The following CHMP4C variants were observed in gnomAD, a reference collection of about 807,000 sequenced individuals.
The protein encoded by CHMP4C is charged multivesicular body protein 4C.
In CHMP4C, 28 loss-of-function variants were observed where a neutral mutation model predicts 29.0. The observed-to-expected ratio is 0.97, with a 90% CI of 0.72 to 1.32. The LOEUF (loss-of-function observed/expected upper bound fraction) is 1.32. Among genes scored for constraint, CHMP4C ranks in the 40% most tolerant of loss-of-function variants. The pLI is 0.00. For synonymous variants in CHMP4C, 106 were observed against 102.4 expected, an observed-to-expected ratio of 1.04 and a Z score of -0.21; for missense variants, 291 against 281.0, an observed-to-expected ratio of 1.04 and a Z score of -0.25.
intron 1 of CHMP4C, among the ~76,000 whole-genome samples, chr8:81,746,781 C>T (rs895803378): frequency 6.6e-6 from 1 of 152,114 alleles, no homozygotes; most frequent in Non-Finnish European, 1.5e-5. Flanking sequence ...AAAATTATGT[C>T]CAAACCAGAA....
At chr8:81,739,992 G>A (rs1808743297) in intron 1 of CHMP4C, among the ~76,000 whole-genome samples, 3 of 152,138 alleles carry the variant, frequency 2.0e-5, no homozygotes, top group African/African-American at 7.2e-5. Flanking sequence ...ATTTTCGGTT[G>A]TTTTAGAATT....
chr8:81,755,228 T>C (rs1808956671), intron 2 of CHMP4C, 142 bp from the exon 3 acceptor site: 1 of 414,650 alleles, frequency 2.4e-6, no homozygotes, highest in African/African-American at 2.0e-5. Context: ...CTTTAAAGTT[T>C]ATAAATATCA....
chr8:81,758,189 TAAG>T lies in CHMP4C; in HGVS notation c.536_538del (p.Lys179del), dbSNP rs1440147615. 6 of 1,613,826 alleles carry T rather than the reference TAAG, an allele frequency of 3.7e-6. No homozygotes were observed. Among genetic ancestry groups the T allele is most frequent in the African/African-American group, 1.3e-5 (1 of 74,914 alleles). Reference sequence around the variant, plus strand: ...AAGAATTGGAACAGGAGGAATTAAATAAGAAGATGACAAATATCCGCCTTCCAA... The same window carrying T: ...AAGAATTGGAACAGGAGGAATTAAATAAGATGACAAATATCCGCCTTCCAA... On this transcript the variant is annotated inframe_deletion, in exon 4 of 5. Coordinates refer to ENST00000297265, the MANE Select transcript of CHMP4C (RefSeq NM_152284.4).
chr8:81,746,152 G>C (rs1808820211), intron 1 of CHMP4C, among the ~76,000 whole-genome samples: 1 of 152,174 alleles, frequency 6.6e-6, no homozygotes, highest in Non-Finnish European at 1.5e-5. Context: ...TTAATGTTTG[G>C]GAGAAGCTTA....
chr8:81,759,405 G>A lies in CHMP4C; in HGVS notation c.*861G>A, dbSNP rs764795881. 2 of 152,102 alleles carry A rather than the reference G, an allele frequency of 1.3e-5. No homozygotes were observed. The highest frequency in any genetic ancestry group is 2.9e-5 in the Non-Finnish European group (2 of 68,016). 9.4% of individuals were successfully genotyped at this position (152,102 alleles called of 1,614,324 possible). On this transcript the variant is annotated 3_prime_UTR_variant, in exon 5 of 5. Coordinates refer to ENST00000297265, the MANE Select transcript of CHMP4C (RefSeq NM_152284.4). ...ACAGCTTCAGTGTATAAATGCATGA[G>A]TATTCTTTCTGTTCTGTTTTGTGCT...
At chr8:81,751,758 T>C (rs532158627) in intron 1 of CHMP4C, among the ~76,000 whole-genome samples, 1 of 152,194 alleles carries the variant, frequency 6.6e-6, no homozygotes, top group East Asian at 1.9e-4. Flanking sequence ...AGTGAAAATC[T>C]TACATTAAGT....
At chr8:81,753,477 G>C (rs1041365329) in intron 2 of CHMP4C, among the ~76,000 whole-genome samples, 3 of 152,106 alleles carry the variant, frequency 2.0e-5, no homozygotes, top group Admixed American at 6.6e-5. Context: ...CTTTATGATT[G>C]CTGGAAACTG....
At chr8:81,741,254 A>G (rs750587648) in intron 1 of CHMP4C, among the ~76,000 whole-genome samples, 17 of 152,162 alleles carry the variant, frequency 1.1e-4, no homozygotes, top group Non-Finnish European at 1.9e-4. Flanking sequence ...AAGGCACCAC[A>G]TTTGGGGAAA....
chr8:81,746,688 G>A (rs1808828175), intron 1 of CHMP4C, among the ~76,000 whole-genome samples: 1 of 152,202 alleles, frequency 6.6e-6, no homozygotes, highest in South Asian at 2.1e-4. Context: ...TACAGTGTAA[G>A]TTGAGATCCC....
chr8:81,749,955 A>G (rs972440577), intron 1 of CHMP4C, among the ~76,000 whole-genome samples: 16 of 152,186 alleles, frequency 1.1e-4, no homozygotes, highest in African/African-American at 3.9e-4. Context: ...CTTGAGAGAG[A>G]TGATTTAGAG....
In CHMP4C at chr8:81,758,495, CAGA is replaced by C. The variant is rs1434270085; in HGVS notation, c.660_662del (p.Glu221del). On this transcript the variant is annotated inframe_deletion, in exon 5 of 5. Transcript: ENST00000297265. Reference sequence around the variant, plus strand: ...TATGTTCCAGCATCTTCCCAGAGGGCAGAAGAAGAGGATGATGATATCAAACAA... The same window carrying C: ...TATGTTCCAGCATCTTCCCAGAGGGCAGAAGAGGATGATGATATCAAACAA... The C allele has an allele frequency of 3.1e-6, 5 of 1,612,390 alleles. No individual in the cohort carries two copies. In the Admixed American group the frequency reaches 6.7e-5, roughly 22 times the overall value.
chr8:81,742,789 T>C (rs1375560395), intron 1 of CHMP4C, among the ~76,000 whole-genome samples: 1 of 152,154 alleles, frequency 6.6e-6, no homozygotes, highest in East Asian at 1.9e-4. Context: ...GTATTAACTG[T>C]AGAAAAAAAA....
chr8:81,733,178 T>C (rs2130467876), intron 1 of CHMP4C, among the ~76,000 whole-genome samples: 1 of 152,374 alleles, frequency 6.6e-6, no homozygotes, highest in East Asian at 1.9e-4. Flanking sequence ...TATGTTGTTA[T>C]GTGCAGCACA....
At chr8:81,737,361 G>A (rs75399449) in intron 1 of CHMP4C, among the ~76,000 whole-genome samples, 2,731 of 152,212 alleles carry the variant, frequency 0.018, 51 homozygotes, top group Middle Eastern at 0.041. Context: ...CCATAGGAAT[G>A]TTAATGAGAT....
At position 81,732,793 on chromosome 8, in the gene CHMP4C, A is replaced by T. The variant is rs944432804; in HGVS notation, c.167A>T (p.Lys56Met). 2 of 1,612,448 alleles carry T rather than the reference A, an allele frequency of 1.2e-6. No individual in the cohort carries two copies. Among genetic ancestry groups the T allele is most frequent in the Non-Finnish European group, 1.7e-6 (2 of 1,179,342 alleles). Residue 56 changes from lysine to methionine, a missense_variant, in exon 1 of 5, where the codon AAG becomes ATG. Lys to Met is a moderately conservative substitution (Grantham distance 95, BLOSUM62 -1). Coordinates refer to ENST00000297265, the MANE Select transcript of CHMP4C (RefSeq NM_152284.4). ...RIQREIALAK[K>M]HGTQNKRAAL... ...CAGAGAGAAATCGCCCTGGCCAAGA[A>T]GCACGGCACGCAGAATAAGCGAGGT...
At chr8:81,755,989 A>G (rs1808967530) in intron 3 of CHMP4C, among the ~76,000 whole-genome samples, 1 of 152,196 alleles carries the variant, frequency 6.6e-6, no homozygotes, top group Non-Finnish European at 1.5e-5. Flanking sequence ...TATAATTATA[A>G]TGGTGATGTC....
intron 2 of CHMP4C, among the ~76,000 whole-genome samples, chr8:81,753,458 T>TC (rs1304977659): frequency 1.3e-5 from 2 of 152,146 alleles, no homozygotes; most frequent in Non-Finnish European, 2.9e-5. Context: ...CTGTAATGTT[T>TC]CCCCATTACT....
At chr8:81,732,863 CT>C in intron 1 of CHMP4C, 47 bp downstream of exon 1, 1 of 1,558,972 alleles carries the variant, frequency 6.4e-7, no homozygotes, top group Non-Finnish European at 8.7e-7. Context: ...TGCCTCTAGC[CT>C]TTCCCTTGGG....
At chr8:81,743,454 A>G (rs953587917) in intron 1 of CHMP4C, among the ~76,000 whole-genome samples, 6 of 152,110 alleles carry the variant, frequency 3.9e-5, no homozygotes, top group Non-Finnish European at 5.9e-5. Context: ...AGCAAATAAA[A>G]GACTCATTTA....
Sources: allele counts gnomAD v4.1 joint callset (sites outside exome capture counted in the v4.1 genomes callset), GRCh38; gene constraint gnomAD v4.1.1; transcripts MANE v1.5; gene names NCBI Gene and HGNC (gene_info 2026-07-23, HGNC 2026-07-21).